The following DHX34 variants were observed in gnomAD, a reference collection of about 807,000 sequenced individuals.
The protein encoded by DHX34 is DExH-box helicase 34, also known as probable ATP-dependent RNA helicase DHX34.
In DHX34, 96 loss-of-function variants were observed where a neutral mutation model predicts 111.1. The observed-to-expected ratio is 0.86, with a 90% CI of 0.73 to 1.02. DHX34 has a LOEUF of 1.02. DHX34 is among the 50% of genes least tolerant of loss of function. The pLI is 0.00. For missense variants in DHX34, 1,560 were observed against 1,579.9 expected (o/e 0.99, Z 0.21); for synonymous variants, 688 against 670.4 (o/e 1.03, Z -0.41).
chr19:47,372,701 G>A, intron 7 of DHX34, 29 bp from the exon 8 acceptor site: 1 of 1,547,834 alleles, frequency 6.5e-7, no homozygotes, highest in South Asian at 1.2e-5. Context: ...TGGCACCCAG[G>A]AGCCTCAACC....
rs200847844 is a variant in DHX34, at chr19:47,372,912, G to A, written c.1951G>A (p.Ala651Thr). The A allele has an allele frequency of 8.5e-5, 136 of 1,599,972 alleles. No homozygotes were observed. The highest frequency in any genetic ancestry group is 1.1e-4 in the Non-Finnish European group (131 of 1,177,204). ...DPFTLFNVFN[A>T]WVQVKSERSR... ...CTTCACGCTCTTCAACGTCTTCAAC[G>A]CCTGGGTGCAGGTGAGGCTGGTGGT... The change falls in exon 8 of 17, where the codon GCC (alanine) becomes ACC (threonine). Residue 651 changes from alanine (A) to threonine (T), a missense_variant. By Grantham distance (58) the Ala-to-Thr change is moderately conservative. Coordinates refer to ENST00000328771, the MANE Select transcript of DHX34 (RefSeq NM_014681.6).
At position 47,382,465 on chromosome 19, in the gene DHX34, G is replaced by C. The variant is rs570493707; in HGVS notation, c.*352G>C. 1.6e-4 allele frequency: 41 copies of C among 250,706 alleles called. No homozygotes were observed. Among genetic ancestry groups the C allele is most frequent in the African/African-American group, 9.1e-4 (40 of 43,818 alleles). 15.5% of individuals were successfully genotyped at this position (250,706 alleles called of 1,614,324 possible). Reference sequence around the variant, plus strand: ...CCAGGTGCAGGTTCTTAGCACCTCCGCAGCCGCTCTCTCTTGAGTCCATCC... The same window carrying C: ...CCAGGTGCAGGTTCTTAGCACCTCCCCAGCCGCTCTCTCTTGAGTCCATCC... On this transcript the variant is annotated 3_prime_UTR_variant, in exon 17 of 17. Transcript: ENST00000328771.
At chr19:47,381,114 G>A in intron 15 of DHX34, 72 bp from the exon 16 acceptor site, 2 of 1,590,408 alleles carry the variant, frequency 1.3e-6, no homozygotes, top group Non-Finnish European at 1.7e-6. Flanking sequence ...TTCTGGGAAG[G>A]GTCCCGGGGG....
At position 47,379,784 on chromosome 19, in the gene DHX34, G is replaced by A; in HGVS notation, c.2781G>A (p.Glu927=). Residue 927 remains glutamate, a synonymous_variant, in exon 14 of 17, where the codon GAG becomes GAA. Coordinates refer to ENST00000328771, the MANE Select transcript of DHX34 (RefSeq NM_014681.6). ...CSRLVADGWL[E]LQLADSESAI... is the part of the protein sequence containing the mutation. Reference sequence around the variant, plus strand: ...GCCTGGTGGCCGATGGCTGGCTGGAGCTGCAGCTAGCAGACAGTGAAAGTG... The same window carrying A: ...GCCTGGTGGCCGATGGCTGGCTGGAACTGCAGCTAGCAGACAGTGAAAGTG... 2 of 1,613,408 alleles carry A rather than the reference G, an allele frequency of 1.2e-6. No homozygotes were observed. The highest frequency in any genetic ancestry group is 2.2e-5 in the East Asian group (1 of 44,864).
At chr19:47,375,116 A>G (rs1970093493) in intron 9 of DHX34, among the ~76,000 whole-genome samples, 1 of 152,158 alleles carries the variant, frequency 6.6e-6, no homozygotes, top group Admixed American at 6.5e-5. Context: ...CCCCAGGGCT[A>G]CACTCAGAAG....
chr19:47,381,888 AACCTGAGCCCCACAGGTG>A, intron 16 of DHX34, 74 bp from the exon 17 acceptor site: 1 of 1,582,268 alleles, frequency 6.3e-7, no homozygotes, highest in Admixed American at 2.0e-5. Context: ...GCCAGGAGAG[AACCTGAGCCCCACAGGTG>A]CCTGGCATTT....
At chr19:47,371,066 C>T (rs572159901) in intron 7 of DHX34, among the ~76,000 whole-genome samples, 10 of 152,220 alleles carry the variant, frequency 6.6e-5, no homozygotes, top group South Asian at 2.1e-4. Context: ...TGTGTGCCGG[C>T]GAAAGGCTCT....
At chr19:47,381,599 C>T in intron 16 of DHX34, 1 of 591,050 alleles carries the variant, frequency 1.7e-6, no homozygotes, top group Non-Finnish European at 2.9e-6. Flanking sequence ...GGCTATGTCT[C>T]TTGTTATTTT....
In DHX34 at chr19:47,353,648, T is replaced by C. The variant is rs1448704373; in HGVS notation, c.618T>C (p.His206=). 6.2e-7 allele frequency: 1 copy of C among 1,613,246 alleles called. No individual in the cohort carries two copies. The highest frequency in any genetic ancestry group is 8.5e-7 in the Non-Finnish European group (1 of 1,179,942). ...ACCTGCTGGCTGCTGGCTTCAGTCA[T>C]GTGGCGTGCACCCAGCCCCGGCGGA... ...PQYLLAAGFS[H]VACTQPRRIA... Residue 206 remains histidine (H), a synonymous_variant, in exon 2 of 17, where the codon CAT becomes CAC. Coordinates refer to ENST00000328771, the MANE Select transcript of DHX34 (RefSeq NM_014681.6). The surrounding 1 kb of genome is among the most constrained non-coding windows in gnomAD (Gnocchi z 4.6).
chr19:47,373,549 T>G, intron 8 of DHX34, 50 bp from the exon 9 acceptor site: 1 of 1,589,154 alleles, frequency 6.3e-7, no homozygotes. Context: ...AGCCCCTCCC[T>G]CCCCGCACTG....
At chr19:47,358,212 G>T in intron 4 of DHX34, 92 bp downstream of exon 4, 1 of 1,494,396 alleles carries the variant, frequency 6.7e-7, no homozygotes, top group Non-Finnish European at 8.9e-7. Context: ...CAAACACAGG[G>T]CTCGGGGGCT....
chr19:47,380,928 T>C lies in DHX34; in HGVS notation c.3095T>C (p.Leu1032Pro). 1 of 1,608,776 alleles carries C rather than the reference T, an allele frequency of 6.2e-7. No individual in the cohort carries two copies. Among genetic ancestry groups the C allele is most frequent in the Non-Finnish European group, 8.5e-7 (1 of 1,177,574 alleles). ...HLPGLFGSSTLSPHPTKGGYA... is the reference protein window; with the variant it reads ...HLPGLFGSSTPSPHPTKGGYA... Reference sequence around the variant, plus strand: ...CCTGGCCTCTTTGGCAGCTCCACCCTGTCCCCCCACCCCACAAAGGGGGGC... The same window carrying C: ...CCTGGCCTCTTTGGCAGCTCCACCCCGTCCCCCCACCCCACAAAGGGGGGC... The change falls in exon 15 of 17, where the codon CTG (leucine) becomes CCG (proline). Residue 1032 changes from leucine (L) to proline (P), a missense_variant. Transcript: ENST00000328771.
At chr19:47,359,177 C>T (rs372657024) in intron 4 of DHX34, among the ~76,000 whole-genome samples, 67 of 152,240 alleles carry the variant, frequency 4.4e-4, no homozygotes, top group African/African-American at 1.6e-3. Context: ...AAGAAAAGTT[C>T]CAGATGGCCT....
intron 8 of DHX34, 99 bp downstream of exon 8, chr19:47,373,022 C>T (rs1970019418): frequency 7.1e-7 from 1 of 1,400,350 alleles, no homozygotes; most frequent in Non-Finnish European, 9.4e-7. Context: ...CAGCCCCACC[C>T]TGGGAGGACC....
chr19:47,356,720 G>A (rs1599754867), intron 3 of DHX34, among the ~76,000 whole-genome samples: 1 of 151,990 alleles, frequency 6.6e-6, no homozygotes, highest in African/African-American at 2.4e-5. Context: ...TTAGGAGGCC[G>A]AGGCGGGTGG....
intron 4 of DHX34, among the ~76,000 whole-genome samples, chr19:47,358,387 C>G (rs1224953012): frequency 6.6e-6 from 1 of 152,084 alleles, no homozygotes; most frequent in African/African-American, 2.4e-5. Context: ...TCTGTCACAG[C>G]TACTCAGCCC....
Position 47,376,099 on chromosome 19 carries a change from TGGGGCCTGTTCTGCCCCATCCTA to T in DHX34, c.2481+3_2481+25del, listed in dbSNP as rs750682094. The T allele has an allele frequency of 6.4e-7, 1 of 1,553,214 alleles. No individual in the cohort carries two copies. Among genetic ancestry groups the T allele is most frequent in the Admixed American group, 2.1e-5 (1 of 48,184 alleles). ...AGCAGCCGAAAGGACTCAGACCAGG[TGGGGCCTGTTCTGCCCCATCCTA>T]TGTTTTGTCCTCCAACACACGAACC... On this transcript the variant is annotated splice_donor_5th_base_variant and intron_variant, in intron 11 of 16. Coordinates refer to ENST00000328771, the MANE Select transcript of DHX34 (RefSeq NM_014681.6).
At chr19:47,377,628 C>T (rs1439147722) in intron 13 of DHX34, among the ~76,000 whole-genome samples, 1 of 55,912 alleles carries the variant, frequency 1.8e-5, no homozygotes, top group Admixed American at 2.1e-4. Flanking sequence ...GATCTCGGGG[C>T]AGAGTGTTCC....
chr19:47,357,563 G>A (rs899024332), intron 3 of DHX34, among the ~76,000 whole-genome samples: 6 of 152,174 alleles, frequency 3.9e-5, no homozygotes, highest in African/African-American at 1.4e-4. Context: ...GGTAGGGCCA[G>A]GGATGCTGCT....
Sources: allele counts gnomAD v4.1 joint callset (sites outside exome capture counted in the v4.1 genomes callset), GRCh38; gene constraint gnomAD v4.1.1; non-coding constraint Gnocchi (gnomAD v3.1); transcripts MANE v1.5; gene names NCBI Gene and HGNC (gene_info 2026-07-23, HGNC 2026-07-21).